The following ZNF521 variants were observed in gnomAD, a reference collection of about 807,000 sequenced individuals.
ZNF521 encodes the protein zinc finger protein 521.
ZNF521 carries 14 observed loss-of-function variants against 105.5 expected under a neutral mutation model. That is an observed-to-expected ratio of 0.13 (90% confidence interval 0.09 to 0.21). The LOEUF is 0.21. Ranked by LOEUF, ZNF521 falls within the 10% of genes least tolerant of loss-of-function variation. The probability of loss-of-function intolerance (pLI) is 1.00; values close to 1 mark genes in which losing one functional copy is unlikely to be tolerated. For missense variants in ZNF521, 1,233 were observed against 1,629.7 expected, an observed-to-expected ratio of 0.76 and a Z score of 4.19; for synonymous variants, 635 against 606.0, an observed-to-expected ratio of 1.05 and a Z score of -0.70.
At chr18:25,267,444 T>C (rs1909349494) in intron 3 of ZNF521, among the ~76,000 whole-genome samples, 1 of 152,152 alleles carries the variant, frequency 6.6e-6, no homozygotes, top group Admixed American at 6.5e-5. Context: ...TCAGACTGCC[T>C]CCTCAAGGGG....
At chr18:25,303,691 C>T (rs1382552012) in intron 3 of ZNF521, among the ~76,000 whole-genome samples, 2 of 152,160 alleles carry the variant, frequency 1.3e-5, no homozygotes, top group African/African-American at 4.8e-5. Flanking sequence ...ATGCTACTTT[C>T]AACCTTTGAC....
chr18:25,063,819 C>G (rs1355505654), intron 7 of ZNF521, among the ~76,000 whole-genome samples: 1 of 152,148 alleles, frequency 6.6e-6, no homozygotes, highest in Non-Finnish European at 1.5e-5. Flanking sequence ...ACTTGTATCC[C>G]CTGACCCCAA....
chr18:25,310,491 A>AGATGATATAG (rs374528715), intron 3 of ZNF521, among the ~76,000 whole-genome samples: 3,200 of 152,166 alleles, frequency 0.021, 79 homozygotes, highest in East Asian at 0.094. Flanking sequence ...TATATTTCAA[A>AGATGATATAG]GATGATATAG....
chr18:25,324,786 A>G (rs1913119636), intron 2 of ZNF521, among the ~76,000 whole-genome samples: 1 of 152,236 alleles, frequency 6.6e-6, no homozygotes, highest in Non-Finnish European at 1.5e-5. Context: ...ATTCAAGAAT[A>G]TGGACACTTT....
intron 3 of ZNF521, chr18:25,302,254 G>A (rs1400350733): frequency 6.6e-6 from 1 of 151,962 alleles, no homozygotes; most frequent in Non-Finnish European, 1.5e-5. Context: ...AGAGGTGTGT[G>A]GCAGCACTCT....
chr18:25,320,727 T>C (rs1912893824), intron 3 of ZNF521, among the ~76,000 whole-genome samples: 1 of 152,230 alleles, frequency 6.6e-6, no homozygotes, highest in African/African-American at 2.4e-5. Context: ...TTCTGTATGT[T>C]TGGAATTGTA....
rs1339694121 is a variant in ZNF521 at position 25,225,033 on chromosome 18, G to A, written c.2885C>T (p.Pro962Leu). The A allele has an allele frequency of 1.2e-6, 2 of 1,614,172 alleles. No homozygotes were observed. The highest frequency in any genetic ancestry group is 1.3e-5 in the African/African-American group (1 of 75,054). The change falls in exon 4 of 8, where the codon CCT (proline) becomes CTT (leucine). Residue 962 changes from proline (P) to leucine (L), a missense_variant. By Grantham distance (98) the Pro-to-Leu change is moderately conservative. Transcript: ENST00000361524. This position sits in a 1 kb window ranked among gnomAD's most constrained non-coding sequence, Gnocchi z 5.6. ...GGAGGGAAACCGCTCTCCGCAAATA[G>A]GGCACATGTAGTGTTTGACAGGGCC... ...HLGPVKHYMC[P>L]ICGERFPSLL...
chr18:25,208,706 C>T (rs1310592474), intron 4 of ZNF521, among the ~76,000 whole-genome samples: 2 of 152,014 alleles, frequency 1.3e-5, no homozygotes, highest in East Asian at 1.9e-4. Context: ...TTTTGTTATG[C>T]CAAATTTAAA....
At chr18:25,259,203 T>C (rs749125043) in intron 3 of ZNF521, among the ~76,000 whole-genome samples, 10 of 152,116 alleles carry the variant, frequency 6.6e-5, no homozygotes, top group Non-Finnish European at 1.0e-4. Flanking sequence ...CCAGCGTAGG[T>C]ACCAGGAGGG....
At chr18:25,199,717 G>C (rs1327677388) in intron 4 of ZNF521, among the ~76,000 whole-genome samples, 1 of 151,976 alleles carries the variant, frequency 6.6e-6, no homozygotes, top group Non-Finnish European at 1.5e-5. Context: ...ATAACATGTA[G>C]TTTTTAGAAG....
chr18:25,120,591 A>ACAAAC (rs375349588), intron 5 of ZNF521, among the ~76,000 whole-genome samples: 60,731 of 134,904 alleles, frequency 0.45, 12,609 homozygotes, highest in South Asian at 0.57. Context: ...CTAAAAAAAA[A>ACAAAC]AAAAAAAAAA....
intron 3 of ZNF521, among the ~76,000 whole-genome samples, chr18:25,252,513 T>C (rs1043237310): frequency 6.6e-6 from 1 of 152,148 alleles, no homozygotes; most frequent in African/African-American, 2.4e-5. Flanking sequence ...AGGACTACAT[T>C]GCAACTTATT....
chr18:25,295,447 T>G (rs183373422), intron 3 of ZNF521, among the ~76,000 whole-genome samples: 1 of 152,216 alleles, frequency 6.6e-6, no homozygotes, highest in Non-Finnish European at 1.5e-5. Context: ...AATTGTACAT[T>G]TAAAAATAAC....
chr18:25,142,635 C>A (rs183785228), intron 5 of ZNF521, among the ~76,000 whole-genome samples: 326 of 152,068 alleles, frequency 2.1e-3, no homozygotes, highest in Non-Finnish European at 3.8e-3. Flanking sequence ...CCTTGAGAAC[C>A]CAAGCCCAGA....
intron 2 of ZNF521, among the ~76,000 whole-genome samples, chr18:25,349,441 C>G (rs1329521688): frequency 2.0e-5 from 3 of 152,262 alleles, no homozygotes; most frequent in East Asian, 1.9e-4. Flanking sequence ...AATGATTCAC[C>G]TCGTTCCCGA....
At chr18:25,351,017 C>T (rs977891888) in intron 1 of ZNF521, 70 bp from the exon 2 acceptor site, 26 of 1,326,058 alleles carry the variant, frequency 2.0e-5, no homozygotes, top group African/African-American at 1.6e-4. Context: ...TGGCCGCGCG[C>T]CCCTCGGGCC....
intron 3 of ZNF521, among the ~76,000 whole-genome samples, chr18:25,277,249 T>C (rs1259897758): frequency 1.3e-5 from 2 of 152,072 alleles, no homozygotes; most frequent in Non-Finnish European, 2.9e-5. Flanking sequence ...GCATTATATA[T>C]TTATTAAGAG....
chr18:25,105,705 T>C (rs1050616686), intron 5 of ZNF521, among the ~76,000 whole-genome samples: 1 of 152,142 alleles, frequency 6.6e-6, no homozygotes, highest in African/African-American at 2.4e-5. Context: ...ATATGGGTAG[T>C]TACTGAGAGC....
intron 5 of ZNF521, among the ~76,000 whole-genome samples, chr18:25,115,849 T>C (rs1285330275): frequency 1.3e-5 from 2 of 152,196 alleles, no homozygotes; most frequent in African/African-American, 4.8e-5. Flanking sequence ...CACAGCTTGC[T>C]TTGAGGCAGG....
Sources: allele counts gnomAD v4.1 joint callset (sites outside exome capture counted in the v4.1 genomes callset), GRCh38; gene constraint gnomAD v4.1.1; non-coding constraint Gnocchi (gnomAD v3.1); transcripts MANE v1.5; gene names NCBI Gene and HGNC (gene_info 2026-07-23, HGNC 2026-07-21).